The following XKR3 variants were observed in gnomAD, a reference collection of about 807,000 sequenced individuals.
XKR3 encodes XK-related protein 3.
Under a neutral mutation model 40.3 loss-of-function variants are expected in XKR3, and 27 were observed. The observed-to-expected ratio is 0.67, with a 90% CI of 0.49 to 0.92. The LOEUF (loss-of-function observed/expected upper bound fraction) is 0.92. XKR3 is among the 40% of genes least tolerant of loss of function. The probability of loss-of-function intolerance (pLI) is 0.00; values close to 1 mark genes in which losing one functional copy is unlikely to be tolerated. For synonymous variants in XKR3, 193 were observed against 195.4 expected (o/e 0.99, Z 0.10); for missense variants, 472 against 537.6 (o/e 0.88, Z 1.21).
intron 3 of XKR3, among the ~76,000 whole-genome samples, chr22:16,797,315 G>A (rs1006650377): frequency 6.6e-6 from 1 of 152,074 alleles, no homozygotes; most frequent in African/African-American, 2.4e-5. Flanking sequence ...CACAAAAATA[G>A]AAAATTGGGA....
At chr22:16,788,425 CA>C (rs2060100200) in intron 3 of XKR3, among the ~76,000 whole-genome samples, 1 of 151,538 alleles carries the variant, frequency 6.6e-6, no homozygotes, top group African/African-American at 2.4e-5. Flanking sequence ...TAATCAGAGA[CA>C]AAAAAGGAGA....
chr22:16,799,865 G>A lies in XKR3; in HGVS notation c.495C>T (p.Tyr165=). 1.2e-6 allele frequency: 2 copies of A among 1,614,088 alleles called. No homozygotes were observed. The highest frequency in any genetic ancestry group is 1.7e-6 in the Non-Finnish European group (2 of 1,180,020). Residue 165 remains tyrosine, a synonymous_variant, in exon 3 of 4, where the codon TAC becomes TAT. Coordinates refer to ENST00000684488, the MANE Select transcript of XKR3 (RefSeq NM_001386955.1). ...DNFMQQKAFK[Y]MSVIQAFLGS... ...CGAGAAAAGCCTGAATCACTGACATGTACTTGAAAGCCTTCTGCTGCATGA... is the reference window on the plus strand; with the variant it reads ...CGAGAAAAGCCTGAATCACTGACATATACTTGAAAGCCTTCTGCTGCATGA...
intron 1 of XKR3, among the ~76,000 whole-genome samples, chr22:16,813,270 G>A (rs1159907028): frequency 6.6e-6 from 1 of 151,480 alleles, no homozygotes; most frequent in East Asian, 1.9e-4. Flanking sequence ...GGCGGCAGAG[G>A]AAGACTCTGG....
In XKR3 at chr22:16,820,205, G is replaced by A. The variant is rs548971655; in HGVS notation, c.-11+5086C>T. Reference sequence around the variant, plus strand: ...CTTACGCAAAAAAACTGTACATGAAGGTATAAGGCAACTCAACTAAGAACA... The same window carrying A: ...CTTACGCAAAAAAACTGTACATGAAAGTATAAGGCAACTCAACTAAGAACA... On this transcript the variant is annotated intron_variant, in intron 1 of 3. Coordinates refer to ENST00000684488, the MANE Select transcript of XKR3 (RefSeq NM_001386955.1). Among the ~76,000 whole-genome samples the A allele has an allele frequency of 2.0e-5, 3 of 152,194 alleles. No individual in the cohort carries two copies. In the East Asian group the frequency reaches 5.8e-4, roughly 29 times the overall value.
intron 1 of XKR3, among the ~76,000 whole-genome samples, chr22:16,822,470 A>T (rs1345489162): frequency 6.6e-6 from 1 of 152,200 alleles, no homozygotes; most frequent in East Asian, 1.9e-4. Context: ...AGCTACATCA[A>T]TCAGCACATT....
In XKR3 at chr22:16,808,006, A is replaced by G; in HGVS notation, c.68T>C (p.Ile23Thr). 1 of 1,613,566 alleles carries G rather than the reference A, an allele frequency of 6.2e-7. No homozygotes were observed. Among genetic ancestry groups the G allele is most frequent in the Non-Finnish European group, 8.5e-7 (1 of 1,179,728 alleles). The change falls in exon 2 of 4, where the codon ATA becomes ACA. Residue 23 changes from isoleucine (I) to threonine (T), a missense_variant. Physicochemically the swap from Ile to Thr is moderately conservative, Grantham distance 89. Coordinates refer to ENST00000684488, the MANE Select transcript of XKR3 (RefSeq NM_001386955.1). ...TGGVSSSKEE[I>T]VLGQRLHLSF... The stretch of plus-strand genomic sequence containing the variant: ...TAGATGGAGTCTCTGGCCAAGGACT[A>G]TTTCTTCTTTCGAAGATGAAACTCC...
rs1324224051 is a variant in XKR3 at position 16,783,617 on chromosome 22, T to C, written c.*2A>G. On this transcript the variant is annotated 3_prime_UTR_variant, in exon 4 of 4. Transcript: ENST00000684488. ...TGTTCTGTGAAAGTATATATGTATA[T>C]TTTATGAACATGTCATACTTTTTCT... 8 of 1,566,770 alleles carry C rather than the reference T, an allele frequency of 5.1e-6. No individual in the cohort carries two copies. In the Admixed American group the frequency reaches 1.5e-4, roughly 29 times the overall value.
At chr22:16,821,935 AT>A (rs1267628332) in intron 1 of XKR3, among the ~76,000 whole-genome samples, 2 of 152,112 alleles carry the variant, frequency 1.3e-5, no homozygotes, top group African/African-American at 4.8e-5. Context: ...TATTTTTATT[AT>A]TTTTTGCCAC....
chr22:16,819,632 C>A (rs375481222), intron 1 of XKR3, among the ~76,000 whole-genome samples: 1 of 152,130 alleles, frequency 6.6e-6, no homozygotes, highest in South Asian at 2.1e-4. Flanking sequence ...AACTTCAATG[C>A]AATCTGAAAT....
intron 1 of XKR3, among the ~76,000 whole-genome samples, chr22:16,814,287 C>T (rs2060224460): frequency 6.6e-6 from 1 of 152,024 alleles, no homozygotes; most frequent in Admixed American, 6.6e-5. Context: ...ACTATGTTTC[C>T]TCATTTACTT....
At chr22:16,791,800 AGAGAGAGAGAG>A (rs2060119450) in intron 3 of XKR3, among the ~76,000 whole-genome samples, 2 of 128,188 alleles carry the variant, frequency 1.6e-5, no homozygotes, top group Non-Finnish European at 3.3e-5. Context: ...AGAGAGAGAG[AGAGAGAGAGAG>A]AAAGAGAGAG....
chr22:16,792,188 C>T (rs2060123192), intron 3 of XKR3, among the ~76,000 whole-genome samples: 2 of 152,168 alleles, frequency 1.3e-5, no homozygotes, highest in Admixed American at 6.5e-5. Flanking sequence ...TCATGTGATC[C>T]ACCCACCTTG....
At chr22:16,787,787 A>G (rs1601838956) in intron 3 of XKR3, among the ~76,000 whole-genome samples, 1 of 152,064 alleles carries the variant, frequency 6.6e-6, no homozygotes, top group East Asian at 1.9e-4. Flanking sequence ...TAAGCAGGAT[A>G]AAAAAGAAAA....
At chr22:16,819,417 A>T (rs2146180860) in intron 1 of XKR3, among the ~76,000 whole-genome samples, 1 of 152,290 alleles carries the variant, frequency 6.6e-6, no homozygotes, top group African/African-American at 2.4e-5. Context: ...ATAGATTCAT[A>T]AAAAATGTAG....
At chr22:16,812,016 A>C (rs912303009) in intron 1 of XKR3, among the ~76,000 whole-genome samples, 3 of 152,172 alleles carry the variant, frequency 2.0e-5, no homozygotes, top group African/African-American at 7.2e-5. Flanking sequence ...CTCAAAAAAC[A>C]AAACAAACAA....
At chr22:16,810,876 G>C (rs2060209650) in intron 1 of XKR3, among the ~76,000 whole-genome samples, 2 of 152,002 alleles carry the variant, frequency 1.3e-5, no homozygotes, top group Non-Finnish European at 2.9e-5. Flanking sequence ...TGCTCTCCTT[G>C]CCATTTCAAA....
intron 1 of XKR3, among the ~76,000 whole-genome samples, chr22:16,811,101 T>A (rs886853184): frequency 1.3e-5 from 2 of 151,536 alleles, no homozygotes; most frequent in African/African-American, 2.4e-5. Context: ...TGATCTTTTT[T>A]TTCTTTTTCA....
At chr22:16,812,689 T>A (rs2060217544) in intron 1 of XKR3, among the ~76,000 whole-genome samples, 1 of 151,634 alleles carries the variant, frequency 6.6e-6, no homozygotes, top group Non-Finnish European at 1.5e-5. Flanking sequence ...ATAATAATAA[T>A]AAAATAAAGT....
chr22:16,825,076 T>C (rs1456208671), intron 1 of XKR3, among the ~76,000 whole-genome samples: 1 of 152,198 alleles, frequency 6.6e-6, no homozygotes, highest in Non-Finnish European at 1.5e-5. Flanking sequence ...AAATTTGTAA[T>C]ATATTAGTAA....
Sources: gnomAD v4.1 joint callset for allele counts (sites outside exome capture counted in the v4.1 genomes callset) on GRCh38, gnomAD v4.1.1 for gene constraint, MANE v1.5 for transcripts, NCBI Gene and HGNC (gene_info 2026-07-23, HGNC 2026-07-21) for gene names.